Variants in PLB1 observed in about 807,000 individuals in gnomAD.
PLB1 encodes phospholipase B1, membrane-associated.
PLB1 carries 242 observed loss-of-function variants against 227.4 expected under a neutral mutation model. The observed-to-expected ratio is 1.06, with a 90% CI of 0.96 to 1.18. The LOEUF (loss-of-function observed/expected upper bound fraction) is 1.18, where lower values mean the gene tolerates loss of function less well. Among genes scored for constraint, PLB1 ranks in the 50% most tolerant of loss-of-function variants. The probability of loss-of-function intolerance (pLI) is 0.00; values close to 1 mark genes in which losing one functional copy is unlikely to be tolerated. For synonymous variants in PLB1, 757 were observed against 682.2 expected (o/e 1.11, Z -1.71); for missense variants, 1,858 against 1,816.3 (o/e 1.02, Z -0.42).
intron 48 of PLB1, 101 bp downstream of exon 48, chr2:28,620,744 G>T: frequency 6.4e-7 from 1 of 1,562,264 alleles, no homozygotes; most frequent in Non-Finnish European, 8.8e-7. Flanking sequence ...TGCAAGAAGG[G>T]AAGTCAGCCA....
intron 4 of PLB1, among the ~76,000 whole-genome samples, chr2:28,523,366 A>C (rs1209160029): frequency 7.8e-6 from 1 of 127,602 alleles, no homozygotes; most frequent in African/African-American, 3.0e-5. Context: ...TTTCTAACTC[A>C]GTGTCATAGA....
chr2:28,496,386 G>A (rs1364556907), intron 1 of PLB1, among the ~76,000 whole-genome samples: 1 of 152,164 alleles, frequency 6.6e-6, no homozygotes, highest in African/African-American at 2.4e-5. Flanking sequence ...CCGGGAGCGA[G>A]GCAGATCTTG....
intron 1 of PLB1, among the ~76,000 whole-genome samples, chr2:28,512,197 T>C (rs1343202105): frequency 6.6e-6 from 1 of 151,928 alleles, no homozygotes; most frequent in African/African-American, 2.4e-5. Flanking sequence ...TTTTCCTCTG[T>C]ATTTTTTAGA....
intron 51 of PLB1, 89 bp downstream of exon 51, chr2:28,626,597 C>T (rs1553463037): frequency 1.1e-5 from 7 of 656,700 alleles, no homozygotes; most frequent in Admixed American, 8.5e-5. Flanking sequence ...GGCCCTGCCC[C>T]GAGCTCCTTG....
chr2:28,560,391 CTAGGATTCACTTTCTTA>C (rs1675869186), intron 17 of PLB1, among the ~76,000 whole-genome samples: 1 of 152,100 alleles, frequency 6.6e-6, no homozygotes, highest in Non-Finnish European at 1.5e-5. Context: ...CCCAAATACA[CTAGGATTCACTTTCTTA>C]TGTGTATAAG....
rs1301778324 is a variant in PLB1 at position 28,602,932 on chromosome 2, C to A, written c.2774+11C>A. The A allele has an allele frequency of 1.2e-6, 2 of 1,609,972 alleles. No individual in the cohort carries two copies. The highest frequency in any genetic ancestry group is 1.7e-6 in the Non-Finnish European group (2 of 1,176,272). On this transcript the variant is annotated intron_variant, in intron 39 of 57. Coordinates refer to ENST00000327757, the MANE Select transcript of PLB1 (RefSeq NM_153021.5). ...AGTGCAGCAGGCCAGGTAGGCAGGT[C>A]CTGGCTGTCCCCACACTGGAGATGC...
At position 28,529,756 on chromosome 2, in the gene PLB1, G is replaced by T. The variant is rs75175520; in HGVS notation, c.445G>T (p.Val149Leu). Reference sequence around the variant, plus strand: ...CTTGTGGATTCAGGCTCAAGAACTGGTGAGAAACATGAAAGAGAACCTGGT... The same window carrying T: ...CTTGTGGATTCAGGCTCAAGAACTGTTGAGAAACATGAAAGAGAACCTGGT... ...EDLWIQAQELVRNMKENLQLD... is the reference protein window; with the variant it reads ...EDLWIQAQELLRNMKENLQLD... The change falls in exon 8 of 58, where the codon GTG (valine) becomes TTG (leucine). Residue 149 changes from valine to leucine, a missense_variant. Val to Leu is a conservative substitution (Grantham distance 32). Transcript: ENST00000327757. The T allele has an allele frequency of 1.4e-3, 2,326 of 1,614,106 alleles. 31 individuals are homozygous for T. In the African/African-American group the frequency reaches 0.027, roughly 19 times the overall value.
At chr2:28,637,750 T>C (rs1689536923) in intron 56 of PLB1, among the ~76,000 whole-genome samples, 1 of 152,182 alleles carries the variant, frequency 6.6e-6, no homozygotes, top group African/African-American at 2.4e-5. Flanking sequence ...CTCCTCCTTC[T>C]CCTGGATTGC....
chr2:28,522,861 A>G (rs1558663475), intron 4 of PLB1, among the ~76,000 whole-genome samples: 2 of 152,126 alleles, frequency 1.3e-5, no homozygotes, highest in South Asian at 2.1e-4. Flanking sequence ...TGTCTGTCCT[A>G]AGAGAGAGAG....
intron 37 of PLB1, 49 bp downstream of exon 37, chr2:28,601,381 G>A (rs1268352566): frequency 6.6e-7 from 1 of 1,519,068 alleles, no homozygotes. Flanking sequence ...ACTTTGCCCA[G>A]TAGGCGTTGG....
chr2:28,607,376 C>G (rs1684836767), intron 43 of PLB1, among the ~76,000 whole-genome samples: 1 of 152,106 alleles, frequency 6.6e-6, no homozygotes, highest in Non-Finnish European at 1.5e-5. Context: ...CATGTGTCTG[C>G]TGGGAATCCT....
intron 44 of PLB1, 114 bp from the exon 45 acceptor site, chr2:28,617,613 G>A (rs942834930): frequency 3.1e-6 from 3 of 974,994 alleles, no homozygotes; most frequent in Non-Finnish European, 5.0e-6. Flanking sequence ...GATCCTGTAT[G>A]GTGACTCATT....
intron 1 of PLB1, among the ~76,000 whole-genome samples, chr2:28,510,295 G>A (rs1400288775): frequency 6.6e-6 from 1 of 152,230 alleles, no homozygotes; most frequent in South Asian, 2.1e-4. Context: ...TCAGACTAAG[G>A]ATTTCCAAGC....
chr2:28,567,604 G>A (rs1201265239), intron 20 of PLB1, among the ~76,000 whole-genome samples: 1 of 150,604 alleles, frequency 6.6e-6, no homozygotes, highest in Admixed American at 6.6e-5. Flanking sequence ...CTCCCGAGTA[G>A]CTGGGACTAC....
intron 1 of PLB1, among the ~76,000 whole-genome samples, chr2:28,515,571 C>G (rs938193211): frequency 6.6e-6 from 1 of 152,310 alleles, no homozygotes; most frequent in South Asian, 2.1e-4. Flanking sequence ...TGCCTGATCT[C>G]ACAGTGGGCA....
At chr2:28,558,238 C>T (rs895317090) in intron 17 of PLB1, among the ~76,000 whole-genome samples, 1 of 151,812 alleles carries the variant, frequency 6.6e-6, no homozygotes, top group Non-Finnish European at 1.5e-5. Flanking sequence ...GTTTCAGCTG[C>T]CTCTTTAGCA....
intron 13 of PLB1, 21 bp downstream of exon 13, chr2:28,541,832 G>A (rs775986683): frequency 3.7e-5 from 59 of 1,577,564 alleles, no homozygotes; most frequent in Non-Finnish European, 4.5e-5. Flanking sequence ...GCTGCATGGC[G>A]TATCAAGAGT....
At chr2:28,537,658 CAAAAAA>C (rs771254945) in intron 9 of PLB1, among the ~76,000 whole-genome samples, 1 of 56,236 alleles carries the variant, frequency 1.8e-5, no homozygotes, top group African/African-American at 6.4e-5. Context: ...GACTCCATCT[CAAAAAA>C]AAAAAAAAAA....
At chr2:28,551,317 C>G (rs1364179879) in intron 16 of PLB1, among the ~76,000 whole-genome samples, 2 of 152,182 alleles carry the variant, frequency 1.3e-5, no homozygotes, top group Non-Finnish European at 2.9e-5. Context: ...CTGAGACTTC[C>G]CATGGAGATT....
Sources: gnomAD v4.1 joint callset for allele counts (sites outside exome capture counted in the v4.1 genomes callset) on GRCh38, gnomAD v4.1.1 for gene constraint, MANE v1.5 for transcripts, NCBI Gene and HGNC (gene_info 2026-07-23, HGNC 2026-07-21) for gene names.